Variants in CNP observed in about 807,000 individuals in gnomAD.
CNP encodes 2',3'-cyclic-nucleotide 3'-phosphodiesterase.
CNP carries 8 observed loss-of-function variants against 37.9 expected under a neutral mutation model. That is an observed-to-expected ratio of 0.21 (90% CI 0.12 to 0.38). CNP has a LOEUF of 0.38. Among genes scored for constraint, CNP ranks in the 10% least tolerant of loss-of-function variants. The pLI, the probability that CNP is intolerant of heterozygous loss-of-function variation, is 1.00. For synonymous variants in CNP, 237 were observed against 238.3 expected (o/e 0.99, Z 0.05); for missense variants, 457 against 551.0 (o/e 0.83, Z 1.71).
rs575635023 is a variant in CNP, at chr17:41,977,437, C to A, written c.*3513C>A. On this transcript the variant is annotated 3_prime_UTR_variant, in exon 4 of 4. Coordinates refer to ENST00000393892, the MANE Select transcript of CNP (RefSeq NM_033133.5). ...TCCAAAGCTTTCCTGGAGAGTCTCA[C>A]TCCCCTCCTTTCCCAACACTTCAGA... 3.1e-6 allele frequency: 3 copies of A among 953,874 alleles called. No individual in the cohort carries two copies. Among genetic ancestry groups the A allele is most frequent in the South Asian group, 3.2e-5 (2 of 62,906 alleles). 59.1% of individuals were successfully genotyped at this position (953,874 alleles called of 1,614,324 possible). A position where few individuals can be genotyped will look rare whatever the true frequency, so the allele number is the denominator to read the frequency against.
In CNP at chr17:41,974,004, ATTT is replaced by A. The variant is rs34645700; in HGVS notation, c.*98_*100del. The A allele has an allele frequency of 0.033, 26,338 of 807,542 alleles. No individual in the cohort carries two copies. The highest frequency in any genetic ancestry group is 0.042 in the East Asian group (1,130 of 26,972). 50.0% of individuals were successfully genotyped at this position (807,542 alleles called of 1,614,324 possible). A position where few individuals can be genotyped will look rare whatever the true frequency, so the allele number is the denominator to read the frequency against. ...CTCTGTTTGATCCTTGTTTTGTGAC[ATTT>A]TTTTTTTTTTTTTTTTTACTCAAAG... On this transcript the variant is annotated 3_prime_UTR_variant, in exon 4 of 4. Coordinates refer to ENST00000393892, the MANE Select transcript of CNP (RefSeq NM_033133.5).
Position 41,976,786 on chromosome 17 carries a change from G to GGGGTTGGTAGTTGGCTAA in CNP, c.*2879_*2880insAGGGTTGGTAGTTGGCTA. 1 of 1,607,430 alleles carries GGGGTTGGTAGTTGGCTAA rather than the reference G, an allele frequency of 6.2e-7. No homozygotes were observed. The highest frequency in any genetic ancestry group is 8.5e-7 in the Non-Finnish European group (1 of 1,178,558). ...GGACCAGATGCTGAAAGAGAAAAGA[G>GGGGTTGGTAGTTGGCTAA]GGGTTGGTAGTTGGCTATGGATTTT... On this transcript the variant is annotated 3_prime_UTR_variant, in exon 4 of 4. Coordinates refer to ENST00000393892, the MANE Select transcript of CNP (RefSeq NM_033133.5).
rs1031074046 is a variant in CNP, at chr17:41,968,993, G to C, written c.676+253G>C. Among the ~76,000 whole-genome samples the C allele has an allele frequency of 6.6e-6, 1 of 152,094 alleles. No homozygotes were observed. The highest frequency in any genetic ancestry group is 1.5e-5 in the Non-Finnish European group (1 of 68,024). On this transcript the variant is annotated intron_variant, in intron 2 of 3. Transcript: ENST00000393892. This position sits in a 1 kb window ranked among gnomAD's most constrained non-coding sequence, Gnocchi z 4.8. The stretch of plus-strand genomic sequence containing the variant: ...CTATCCTTCTAGCCCTCTTCTCTCC[G>C]ACACCCTTTTCCCAGCCTGAATGTA...
intron 1 of CNP, chr17:41,967,660 C>T (rs562075555): frequency 6.9e-4 from 704 of 1,027,660 alleles, no homozygotes; most frequent in Non-Finnish European, 7.9e-4. Flanking sequence ...TGGGGTAACC[C>T]TTCTCCACTC....
At chr17:41,970,442 C>A (rs2050969908) in intron 2 of CNP, 1 of 150,120 alleles carries the variant, frequency 6.7e-6, no homozygotes, top group African/African-American at 2.5e-5. Context: ...CTCTGTCGCC[C>A]AGGCTGGAGT....
In CNP at chr17:41,977,520, T is replaced by C. The variant is rs1189643823; in HGVS notation, c.*3596T>C. The C allele has an allele frequency of 2.0e-6, 1 of 502,132 alleles. No individual in the cohort carries two copies. The highest frequency in any genetic ancestry group is 3.6e-6 in the Non-Finnish European group (1 of 279,594). 31.1% of individuals were successfully genotyped at this position (502,132 alleles called of 1,614,324 possible). A position where few individuals can be genotyped will look rare whatever the true frequency, so the allele number is the denominator to read the frequency against. Reference sequence around the variant, plus strand: ...AAAACATGCTACCTGATCCCACTCCTAGGACATGTTCCCTTCTCCTTCCAA... The same window carrying C: ...AAAACATGCTACCTGATCCCACTCCCAGGACATGTTCCCTTCTCCTTCCAA... On this transcript the variant is annotated 3_prime_UTR_variant, in exon 4 of 4. Transcript: ENST00000393892.
At chr17:41,973,167 C>T (rs2051015490) in intron 3 of CNP, among the ~76,000 whole-genome samples, 1 of 152,238 alleles carries the variant, frequency 6.6e-6, no homozygotes, top group African/African-American at 2.4e-5. Flanking sequence ...AGCCAAGGCA[C>T]CGAGAGGTCA....
rs2051036844 is a variant in CNP, at chr17:41,974,108, T to C, written c.*184T>C. On this transcript the variant is annotated 3_prime_UTR_variant, in exon 4 of 4. Transcript: ENST00000393892. ...TCCTGTCCGCCCTCTTCCCCTCTAATGCTCACGCTCCCAACACAAGGTGGG... is the reference window on the plus strand; with the variant it reads ...TCCTGTCCGCCCTCTTCCCCTCTAACGCTCACGCTCCCAACACAAGGTGGG... The C allele has an allele frequency of 6.0e-6, 3 of 499,612 alleles. No homozygotes were observed. Among genetic ancestry groups the C allele is most frequent in the Non-Finnish European group, 9.8e-6 (3 of 304,772 alleles). The allele number at this position is 499,612 out of a possible 1,614,324, so 30.9% of individuals were successfully genotyped here.
rs1490371175 is a variant in CNP at position 41,975,272 on chromosome 17, GT to G, written c.*1349del. On this transcript the variant is annotated 3_prime_UTR_variant, in exon 4 of 4. Transcript: ENST00000393892. ...TTTGTCCCACAGCTTGGGGCCATCG[GT>G]CCTGTCTCCCCTCTGCTGGCCGGGC... The G allele has an allele frequency of 6.5e-6, 1 of 152,690 alleles. No individual in the cohort carries two copies. The highest frequency in any genetic ancestry group is 1.5e-5 in the Non-Finnish European group (1 of 68,082). 9.5% of individuals were successfully genotyped at this position (152,690 alleles called of 1,614,324 possible).
Position 41,973,879 on chromosome 17 carries a change from A to G in CNP, c.1221A>G (p.Gln407=), listed in dbSNP as rs781801992. Residue 407 remains glutamine (Q), a synonymous_variant, in exon 4 of 4, where the codon CAA becomes CAG. Transcript: ENST00000393892. ...YYGKGKPVPT[Q]GSRKGGALQS... ...GGAAAGGCAAACCTGTGCCCACGCA[A>G]GGTAGCCGGAAGGGGGGCGCCTTGC... is the stretch of plus-strand genomic sequence containing the variant. 3 of 1,571,176 alleles carry G rather than the reference A, an allele frequency of 1.9e-6. No individual in the cohort carries two copies. The African/African-American group carries it at 4.1e-5, about 21-fold the overall frequency.
intron 1 of CNP, chr17:41,967,518 G>T (rs888292678): frequency 6.8e-6 from 2 of 292,016 alleles, no homozygotes; most frequent in East Asian, 3.4e-4. Flanking sequence ...GGCAGGCTTG[G>T]TGAAAGAGGG....
At chr17:41,969,715 C>G (rs146424578) in intron 2 of CNP, among the ~76,000 whole-genome samples, 1 of 152,176 alleles carries the variant, frequency 6.6e-6, no homozygotes, top group Non-Finnish European at 1.5e-5. Flanking sequence ...ACCACCACGT[C>G]CAGCTAATTT....
chr17:41,977,032 G>T lies in CNP; in HGVS notation c.*3108G>T. Reference sequence around the variant, plus strand: ...GCCTTGGTACTAGGCAGTTAGAGATGCCTCCCTGACCCTGCAGAGATGCGG... The same window carrying T: ...GCCTTGGTACTAGGCAGTTAGAGATTCCTCCCTGACCCTGCAGAGATGCGG... On this transcript the variant is annotated 3_prime_UTR_variant, in exon 4 of 4. Coordinates refer to ENST00000393892, the MANE Select transcript of CNP (RefSeq NM_033133.5). 1 of 639,864 alleles carries T rather than the reference G, an allele frequency of 1.6e-6. No homozygotes were observed. Among genetic ancestry groups the T allele is most frequent in the Non-Finnish European group, 2.7e-6 (1 of 372,126 alleles). 39.6% of individuals were successfully genotyped at this position (639,864 alleles called of 1,614,324 possible). A position where few individuals can be genotyped will look rare whatever the true frequency, so the allele number is the denominator to read the frequency against.
In CNP at chr17:41,975,567, C is replaced by G. The variant is rs2051063941; in HGVS notation, c.*1643C>G. 6.6e-6 allele frequency: 1 copy of G among 152,278 alleles called. No homozygotes were observed. The highest frequency in any genetic ancestry group is 6.5e-5 in the Admixed American group (1 of 15,280). The allele number at this position is 152,278 out of a possible 1,614,324, so 9.4% of individuals were successfully genotyped here. Reference sequence around the variant, plus strand: ...GAAGGCCACCTGCAGGTCACTGAAACTTCAAGCACCAGGGAAGATCTAACA... The same window carrying G: ...GAAGGCCACCTGCAGGTCACTGAAAGTTCAAGCACCAGGGAAGATCTAACA... On this transcript the variant is annotated 3_prime_UTR_variant, in exon 4 of 4. Coordinates refer to ENST00000393892, the MANE Select transcript of CNP (RefSeq NM_033133.5).
chr17:41,970,972 C>G (rs1386817467), intron 2 of CNP: 1 of 152,192 alleles, frequency 6.6e-6, no homozygotes, highest in Non-Finnish European at 1.5e-5. Context: ...AGGAGGCCCC[C>G]CCATAGGCCT....
In CNP at chr17:41,976,449, A is replaced by T. The variant is rs2143063414; in HGVS notation, c.*2525A>T. 5.2e-6 allele frequency: 2 copies of T among 384,388 alleles called. No individual in the cohort carries two copies. The highest frequency in any genetic ancestry group is 6.0e-5 in the East Asian group (1 of 16,710). 23.8% of individuals were successfully genotyped at this position (384,388 alleles called of 1,614,324 possible). A position where few individuals can be genotyped will look rare whatever the true frequency, so the allele number is the denominator to read the frequency against. On this transcript the variant is annotated 3_prime_UTR_variant, in exon 4 of 4. Coordinates refer to ENST00000393892, the MANE Select transcript of CNP (RefSeq NM_033133.5). The stretch of plus-strand genomic sequence containing the variant: ...GAGCAAAGGGCCAGGAAGGGTCAAA[A>T]CATTTTATTCTCTTTTTTTTTTCTT...
In CNP at chr17:41,972,016, G is replaced by A; in HGVS notation, c.801G>A (p.Glu267=). Residue 267 remains glutamate (E), a synonymous_variant, in exon 3 of 4, where the codon GAG becomes GAA. Transcript: ENST00000393892. ...ACGGGAAGGCTCCCGGGGCAGAGGA[G>A]TACGCTCAACAAGATGTGAGTCTTC... ...CDYGKAPGAE[E]YAQQDVLKKS... is the part of the protein sequence containing the mutation. 6.2e-7 allele frequency: 1 copy of A among 1,613,828 alleles called. No homozygotes were observed. Among genetic ancestry groups the A allele is most frequent in the Non-Finnish European group, 8.5e-7 (1 of 1,179,860 alleles).
At chr17:41,971,727 G>A (rs2050993109) in intron 2 of CNP, 165 bp from the exon 3 acceptor site, 1 of 841,526 alleles carries the variant, frequency 1.2e-6, no homozygotes, top group East Asian at 2.7e-5. Flanking sequence ...TTGCTCTAAA[G>A]TTGCCATTAG....
rs1879529288 is a variant in CNP, at chr17:41,977,574, T to G, written c.*3650T>G. On this transcript the variant is annotated 3_prime_UTR_variant, in exon 4 of 4. Coordinates refer to ENST00000393892, the MANE Select transcript of CNP (RefSeq NM_033133.5). ...CTGCCCCAAAGGAAGCTTTCTCTGC[T>G]TCAGCTTGCTTCATTGGGCTGTTTT... 2.7e-6 allele frequency: 1 copy of G among 368,932 alleles called. No individual in the cohort carries two copies. Among genetic ancestry groups the G allele is most frequent in the Admixed American group, 4.3e-5 (1 of 23,050 alleles). 22.9% of individuals were successfully genotyped at this position (368,932 alleles called of 1,614,324 possible).
Sources: allele counts gnomAD v4.1 joint callset (sites outside exome capture counted in the v4.1 genomes callset), GRCh38; gene constraint gnomAD v4.1.1; non-coding constraint Gnocchi (gnomAD v3.1); transcripts MANE v1.5; gene names NCBI Gene and HGNC (gene_info 2026-07-23, HGNC 2026-07-21).